The following PLEKHH2 variants were observed in gnomAD, a reference collection of about 807,000 sequenced individuals.
The protein encoded by PLEKHH2 is pleckstrin homology, MyTH4 and FERM domain containing H2.
In PLEKHH2, 129 loss-of-function variants were observed where a neutral mutation model predicts 187.9. The ratio of observed to expected loss-of-function variants is 0.69; its 90% CI spans 0.59 to 0.79. The LOEUF is 0.79. PLEKHH2 is among the 30% of genes least tolerant of loss of function. The pLI, the probability that PLEKHH2 is intolerant of heterozygous loss-of-function variation, is 0.00. For synonymous variants in PLEKHH2, 686 were observed against 605.6 expected, an observed-to-expected ratio of 1.13 and a Z score of -1.95; for missense variants, 2,076 against 1,751.2, an observed-to-expected ratio of 1.19 and a Z score of -3.31.
At chr2:43,696,864 C>G (rs553011197) in intron 6 of PLEKHH2, among the ~76,000 whole-genome samples, 1 of 152,132 alleles carries the variant, frequency 6.6e-6, no homozygotes, top group Non-Finnish European at 1.5e-5. Context: ...CTAGAGCTCT[C>G]TAGTTATTTA....
intron 2 of PLEKHH2, among the ~76,000 whole-genome samples, chr2:43,655,795 C>A (rs1481533125): frequency 6.6e-6 from 1 of 152,120 alleles, no homozygotes; most frequent in East Asian, 1.9e-4. Context: ...CTCAACAGCT[C>A]CTTGAGCTTT....
intron 17 of PLEKHH2, among the ~76,000 whole-genome samples, chr2:43,727,691 C>T (rs1172680676): frequency 6.6e-6 from 1 of 152,140 alleles, no homozygotes; most frequent in Non-Finnish European, 1.5e-5. Flanking sequence ...CTTCCAATTA[C>T]CCTCTGTGGG....
intron 15 of PLEKHH2, among the ~76,000 whole-genome samples, chr2:43,719,657 C>T (rs1334592419): frequency 6.6e-6 from 1 of 152,202 alleles, no homozygotes; most frequent in Admixed American, 6.5e-5. Flanking sequence ...TCAGGCTGGT[C>T]TTGAACTCCT....
At chr2:43,675,906 G>A (rs1667740491) in intron 2 of PLEKHH2, 1 of 1,614,098 alleles carries the variant, frequency 6.2e-7, no homozygotes, top group Non-Finnish European at 8.5e-7. Context: ...GAAGTGCAAG[G>A]AAGAACCAGT....
chr2:43,706,458 A>G (rs778260425), intron 10 of PLEKHH2, 42 bp downstream of exon 10: 4 of 1,345,374 alleles, frequency 3.0e-6, no homozygotes, highest in Non-Finnish European at 3.2e-6. Flanking sequence ...GCTTCTCTTC[A>G]TGATGGATCA....
Position 43,765,690 on chromosome 2 carries a change from C to A in PLEKHH2, c.*92C>A, listed in dbSNP as rs1672597403. The A allele has an allele frequency of 2.4e-6, 3 of 1,236,834 alleles. No individual in the cohort carries two copies. The highest frequency in any genetic ancestry group is 3.3e-6 in the Non-Finnish European group (3 of 901,402). The allele number at this position is 1,236,834 out of a possible 1,614,324, so 76.6% of individuals were successfully genotyped here. On this transcript the variant is annotated 3_prime_UTR_variant, in exon 30 of 30. Transcript: ENST00000282406. Reference sequence around the variant, plus strand: ...TCGTTTACACCTGGCAGCACGGCAGCCACACACCGGTATTCCAAACCTTAA... The same window carrying A: ...TCGTTTACACCTGGCAGCACGGCAGACACACACCGGTATTCCAAACCTTAA...
intron 2 of PLEKHH2, among the ~76,000 whole-genome samples, chr2:43,668,803 T>C (rs537902667): frequency 6.6e-6 from 1 of 152,094 alleles, no homozygotes; most frequent in Non-Finnish European, 1.5e-5. Context: ...TGAGACCCTA[T>C]CCCCAAAACA....
intron 2 of PLEKHH2, among the ~76,000 whole-genome samples, chr2:43,645,583 G>C (rs546760105): frequency 4.0e-4 from 61 of 152,152 alleles, no homozygotes; most frequent in African/African-American, 1.5e-3. Flanking sequence ...AATAAATACA[G>C]GATTTCAAAG....
chr2:43,654,885 G>C (rs537076004), intron 2 of PLEKHH2, among the ~76,000 whole-genome samples: 1 of 152,136 alleles, frequency 6.6e-6, no homozygotes, highest in South Asian at 2.1e-4. Context: ...AAATTAGTTG[G>C]GCACAGTGGC....
intron 19 of PLEKHH2, among the ~76,000 whole-genome samples, chr2:43,733,199 T>TA (rs1005973173): frequency 4.0e-5 from 6 of 151,558 alleles, no homozygotes; most frequent in African/African-American, 1.5e-4. Flanking sequence ...TGTCTCTACT[T>TA]AAAAAATACA....
At chr2:43,653,473 A>T (rs1419565932) in intron 2 of PLEKHH2, among the ~76,000 whole-genome samples, 3 of 152,244 alleles carry the variant, frequency 2.0e-5, no homozygotes, top group Non-Finnish European at 4.4e-5. Flanking sequence ...TAGAATAAAG[A>T]TATTTTGAAG....
chr2:43,745,944 C>T lies in PLEKHH2; in HGVS notation c.3634C>T (p.Arg1212Cys), dbSNP rs762785141. The T allele has an allele frequency of 5.0e-6, 8 of 1,609,052 alleles. No individual in the cohort carries two copies. The highest frequency in any genetic ancestry group is 3.3e-4 in the Middle Eastern group (2 of 6,078). Residue 1212 changes from arginine to cysteine, a missense_variant, in exon 24 of 30, where the codon CGT becomes TGT. Arg to Cys is a radical substitution (Grantham distance 180). Transcript: ENST00000282406. ...PGKCEGTRTVRLTYKNRLYFS... is the reference protein window; with the variant it reads ...PGKCEGTRTVCLTYKNRLYFS... Reference sequence around the variant, plus strand: ...AAAATGTGAAGGTACAAGGACTGTTCGTCTGACATACAAAAACAGGTGTGT... The same window carrying T: ...AAAATGTGAAGGTACAAGGACTGTTTGTCTGACATACAAAAACAGGTGTGT...
chr2:43,740,741 C>A, intron 20 of PLEKHH2: 1 of 892,300 alleles, frequency 1.1e-6, no homozygotes, highest in Non-Finnish European at 1.4e-6. Context: ...TAACCATACA[C>A]ACAACTAGAT....
intron 1 of PLEKHH2, among the ~76,000 whole-genome samples, chr2:43,640,112 G>A (rs1703305458): frequency 1.3e-5 from 2 of 152,130 alleles, no homozygotes; most frequent in Non-Finnish European, 2.9e-5. Context: ...CTTGGCATAT[G>A]ACCCAGCAAC....
intron 27 of PLEKHH2, among the ~76,000 whole-genome samples, chr2:43,760,884 A>C (rs1314444424): frequency 2.0e-5 from 3 of 152,228 alleles, no homozygotes; most frequent in Admixed American, 6.5e-5. Context: ...GAGAAATCAT[A>C]TAATATTTGT....
In PLEKHH2 at chr2:43,742,149, C is replaced by T. The variant is rs184428802; in HGVS notation, c.3222-592C>T. Among the ~76,000 whole-genome samples the T allele has an allele frequency of 3.8e-3, 575 of 151,996 alleles. 3 individuals are homozygous for T. The highest frequency in any genetic ancestry group is 6.4e-3 in the Non-Finnish European group (433 of 67,978). ...CCAAGTAGCTGGGACTACAAGCGTG[C>T]GCCACCACCCCCGGCTAATTTTTTG... On this transcript the variant is annotated intron_variant, in intron 21 of 29. Transcript: ENST00000282406.
intron 9 of PLEKHH2, 137 bp downstream of exon 9, chr2:43,704,193 C>G: frequency 1.7e-6 from 1 of 586,048 alleles, no homozygotes; most frequent in Non-Finnish European, 2.8e-6. Flanking sequence ...TTTAAAGGGT[C>G]AAATTCATAG....
Position 43,726,426 on chromosome 2 carries a change from T to A in PLEKHH2, c.2696T>A (p.Leu899His). ...CCCAAAGACCAAGGTCCAACTTACC[T>A]CCTAATTGGATCCAAGCATGAAAAG... ...IHPKDQGPTY[L>H]LIGSKHEKDT... The change falls in exon 17 of 30, where the codon CTC (leucine) becomes CAC (histidine). Residue 899 changes from leucine (L) to histidine (H), a missense_variant. By Grantham distance (99) the Leu-to-His change is moderately conservative. Transcript: ENST00000282406. 1 of 1,610,180 alleles carries A rather than the reference T, an allele frequency of 6.2e-7. No individual in the cohort carries two copies. Among genetic ancestry groups the A allele is most frequent in the Non-Finnish European group, 8.5e-7 (1 of 1,176,550 alleles).
chr2:43,637,716 G>T lies in PLEKHH2; in HGVS notation c.-4+337G>T, dbSNP rs545723825. On this transcript the variant is annotated intron_variant, in intron 1 of 29. Coordinates refer to ENST00000282406, the MANE Select transcript of PLEKHH2 (RefSeq NM_172069.4). ...TGGCGCGGCGCGAGCGGTCCCGGGG[G>T]CGCAGCGGGGCAGCCCAGGGTCCCC... Among the ~76,000 whole-genome samples, 16 of 152,312 alleles carry T rather than the reference G, an allele frequency of 1.1e-4. No homozygotes were observed. The South Asian group carries it at 3.1e-3, about 30-fold the overall frequency.
Sources: allele counts gnomAD v4.1 joint callset (sites outside exome capture counted in the v4.1 genomes callset), GRCh38; gene constraint gnomAD v4.1.1; transcripts MANE v1.5; gene names NCBI Gene and HGNC (gene_info 2026-07-23, HGNC 2026-07-21).